The following FRMPD2 variants were observed in gnomAD, a reference collection of about 807,000 sequenced individuals.
FRMPD2 encodes the protein FERM and PDZ domain containing 2.
A neutral mutation model predicts 140.1 loss-of-function variants in FRMPD2; 96 were observed. That is an observed-to-expected ratio of 0.69 (90% CI 0.58 to 0.81). The LOEUF (loss-of-function observed/expected upper bound fraction) is 0.81, where lower values mean the gene tolerates loss of function less well. Among genes scored for constraint, FRMPD2 ranks in the 40% least tolerant of loss-of-function variants. The pLI is 0.00. For missense variants in FRMPD2, 1,240 were observed against 1,447.4 expected, an observed-to-expected ratio of 0.86 and a Z score of 2.32; for synonymous variants, 449 against 547.6, an observed-to-expected ratio of 0.82 and a Z score of 2.52.
intron 9 of FRMPD2, 100 bp downstream of exon 9, chr10:48,236,382 G>C (rs977511775): frequency 1.1e-6 from 1 of 924,954 alleles, no homozygotes; most frequent in Admixed American, 1.7e-5. Flanking sequence ...TGCCACTGGG[G>C]TGTTCCCATG....
At chr10:48,221,220 T>TAG (rs748660950) in intron 12 of FRMPD2, among the ~76,000 whole-genome samples, 80 of 152,192 alleles carry the variant, frequency 5.3e-4, no homozygotes, top group Non-Finnish European at 1.0e-3. Flanking sequence ...GTGGTATATG[T>TAG]ATATATATAC....
chr10:48,223,334 C>T (rs1012680746), intron 10 of FRMPD2, 64 bp from the exon 11 acceptor site: 4 of 1,521,022 alleles, frequency 2.6e-6, no homozygotes, highest in African/African-American at 2.7e-5. Context: ...CTCTCAGACT[C>T]ATAGCCCTAA....
chr10:48,255,941 A>G (rs1186657409), intron 1 of FRMPD2, among the ~76,000 whole-genome samples: 1 of 152,228 alleles, frequency 6.6e-6, no homozygotes, highest in Non-Finnish European at 1.5e-5. Context: ...GGCGGGTCCC[A>G]TCTGCCCGCA....
Position 48,212,082 on chromosome 10 carries a change from C to A in FRMPD2, c.1483G>T (p.Val495Phe). ...AGACTCGCTGGGATGTAATCTTCAA[C>A]GTGAAAGTATGGCTTACTCTCCACC... is the stretch of plus-strand genomic sequence containing the variant. The part of the protein sequence containing the change: ...EQVESKPYFH[V>F]EDYIPASLIE... Residue 495 changes from valine (V) to phenylalanine (F), a missense_variant, in exon 13 of 29, where the codon GTT becomes TTT. This residue lies in a region of FRMPD2 where 1,161 missense variants were observed against 1,055.9 expected (regional missense o/e 1.10). Coordinates refer to ENST00000374201, the MANE Select transcript of FRMPD2 (RefSeq NM_001018071.4). The A allele has an allele frequency of 6.2e-7, 1 of 1,613,980 alleles. No homozygotes were observed. The highest frequency in any genetic ancestry group is 8.5e-7 in the Non-Finnish European group (1 of 1,179,964).
intron 10 of FRMPD2, among the ~76,000 whole-genome samples, chr10:48,224,716 G>A (rs1011678005): frequency 6.6e-6 from 1 of 152,346 alleles, no homozygotes; most frequent in East Asian, 1.9e-4. Context: ...AGCTAGGCAG[G>A]TGTAAAATTG....
chr10:48,242,400 A>G (rs280612), intron 4 of FRMPD2, 48 bp from the exon 5 acceptor site: 1,466,005 of 1,560,954 alleles, frequency 0.94, 691,368 homozygotes, highest in East Asian at 1. Flanking sequence ...CAGAGCTGCC[A>G]CTACGAGGCC....
intron 1 of FRMPD2, among the ~76,000 whole-genome samples, chr10:48,256,893 A>G (rs977197381): frequency 7.2e-5 from 11 of 152,300 alleles, no homozygotes; most frequent in African/African-American, 2.4e-4. Flanking sequence ...GAGGCCCTGT[A>G]TGGTTTCCTG....
chr10:48,250,596 CAG>C (rs1355845715), intron 2 of FRMPD2, among the ~76,000 whole-genome samples: 2 of 151,996 alleles, frequency 1.3e-5, no homozygotes, highest in South Asian at 4.2e-4. Flanking sequence ...TTAGTAGAAA[CAG>C]GGTTTCACCA....
chr10:48,242,212 A>G lies in FRMPD2; in HGVS notation c.516T>C (p.Ala172=). ...EKEVSVYPAP[A]GLHIRRLVGL... Reference sequence around the variant, plus strand: ...CAACCAGCCTTCTGATGTGGAGACCAGCAGGGGCTGGGTAGACAGACACTT... The same window carrying G: ...CAACCAGCCTTCTGATGTGGAGACCGGCAGGGGCTGGGTAGACAGACACTT... Residue 172 remains alanine, a synonymous_variant, in exon 5 of 29, where the codon GCT becomes GCC. Transcript: ENST00000374201. 1.2e-6 allele frequency: 2 copies of G among 1,614,216 alleles called. No homozygotes were observed. Among genetic ancestry groups the G allele is most frequent in the Non-Finnish European group, 8.5e-7 (1 of 1,180,016 alleles).
chr10:48,185,496 C>A, intron 18 of FRMPD2, 57 bp downstream of exon 18: 1 of 1,202,592 alleles, frequency 8.3e-7, no homozygotes, highest in Non-Finnish European at 1.2e-6. Context: ...ACAGTACCCA[C>A]CTCCCCACTT....
At chr10:48,185,784 C>T (rs999430968) in intron 17 of FRMPD2, 139 bp from the exon 18 acceptor site, 5 of 663,950 alleles carry the variant, frequency 7.5e-6, no homozygotes, top group Middle Eastern at 2.4e-4. Flanking sequence ...AAAAGTAGCT[C>T]ATATTTAATC....
chr10:48,240,326 G>C, intron 6 of FRMPD2, 34 bp downstream of exon 6: 1 of 1,600,390 alleles, frequency 6.2e-7, no homozygotes, highest in Non-Finnish European at 8.5e-7. Flanking sequence ...GGTACCATCA[G>C]CCCACGCAGG....
chr10:48,191,120 G>A (rs1838820993), intron 16 of FRMPD2, among the ~76,000 whole-genome samples: 1 of 152,216 alleles, frequency 6.6e-6, no homozygotes, highest in Non-Finnish European at 1.5e-5. Context: ...GCTTAGACTT[G>A]AAGAGAACTG....
intron 1 of FRMPD2, among the ~76,000 whole-genome samples, chr10:48,254,413 T>C (rs1182677322): frequency 6.6e-6 from 1 of 152,220 alleles, no homozygotes; most frequent in Non-Finnish European, 1.5e-5. Context: ...TGCCCACCTC[T>C]CCAACTCCAC....
At chr10:48,176,530 G>C (rs1231846160) in intron 22 of FRMPD2, among the ~76,000 whole-genome samples, 1 of 150,864 alleles carries the variant, frequency 6.6e-6, no homozygotes, top group Admixed American at 6.6e-5. Context: ...TCACGGGTTT[G>C]AGTGTTTTTC....
chr10:48,257,657 T>C (rs547794306), intron 1 of FRMPD2, among the ~76,000 whole-genome samples: 3 of 152,254 alleles, frequency 2.0e-5, no homozygotes, highest in Admixed American at 6.5e-5. Flanking sequence ...TCTACCTGTT[T>C]GCCTGAAAAA....
chr10:48,211,929 T>A, intron 13 of FRMPD2, 25 bp downstream of exon 13: 1 of 1,607,134 alleles, frequency 6.2e-7, no homozygotes, highest in Non-Finnish European at 8.5e-7. Context: ...GACCAACACC[T>A]CTCTCCAGGT....
intron 1 of FRMPD2, among the ~76,000 whole-genome samples, chr10:48,254,470 A>C (rs558077392): frequency 9.2e-5 from 14 of 152,302 alleles, no homozygotes; most frequent in African/African-American, 3.1e-4. Context: ...GTGTTCCATC[A>C]CACTGGGCTT....
intron 21 of FRMPD2, among the ~76,000 whole-genome samples, chr10:48,178,549 C>T (rs1477655986): frequency 6.6e-6 from 1 of 152,174 alleles, no homozygotes; most frequent in East Asian, 1.9e-4. Flanking sequence ...ACAACGAAGC[C>T]TCAACTGCTG....
Sources: allele counts gnomAD v4.1 joint callset (sites outside exome capture counted in the v4.1 genomes callset), GRCh38; gene constraint gnomAD v4.1.1; regional missense constraint gnomAD v4.1.1; transcripts MANE v1.5; gene names NCBI Gene and HGNC (gene_info 2026-07-23, HGNC 2026-07-21).